The following CNTNAP5 variants were observed in gnomAD, a reference collection of about 807,000 sequenced individuals.
The protein encoded by CNTNAP5 is contactin-associated protein-like 5.
Under a neutral mutation model 150.2 loss-of-function variants are expected in CNTNAP5, and 72 were observed. The observed-to-expected ratio is 0.48, with a 90% CI of 0.40 to 0.58. The LOEUF (loss-of-function observed/expected upper bound fraction) is 0.58, where lower values mean the gene tolerates loss of function less well. Among genes scored for constraint, CNTNAP5 ranks in the 20% least tolerant of loss-of-function variants. The probability of loss-of-function intolerance (pLI) is 0.00; values close to 1 mark genes in which losing one functional copy is unlikely to be tolerated. For synonymous variants in CNTNAP5, 672 were observed against 619.8 expected (o/e 1.08, Z -1.25); for missense variants, 1,636 against 1,626.2 (o/e 1.01, Z -0.10).
chr2:124,655,945 G>GAGAGAGAGAAAGAAAGAAAGAAAGAA (rs1553427800), intron 13 of CNTNAP5, among the ~76,000 whole-genome samples: 1 of 55,490 alleles, frequency 1.8e-5, no homozygotes, highest in Non-Finnish European at 3.4e-5. Flanking sequence ...GAGAGAGAGA[G>GAGAGAGAGAAAGAAAGAAAGAAAGAA]AGAAAGAAAG....
chr2:124,257,550 C>T (rs766461092), intron 3 of CNTNAP5, among the ~76,000 whole-genome samples: 7 of 152,172 alleles, frequency 4.6e-5, no homozygotes, highest in Non-Finnish European at 1.0e-4. Flanking sequence ...TAAATTCTTC[C>T]TCATCTTTCA....
intron 3 of CNTNAP5, among the ~76,000 whole-genome samples, chr2:124,414,957 T>C (rs1022208663): frequency 6.6e-5 from 10 of 152,068 alleles, no homozygotes; most frequent in African/African-American, 2.4e-4. Flanking sequence ...ATGACACACT[T>C]TTACTCTACC....
intron 19 of CNTNAP5, among the ~76,000 whole-genome samples, chr2:124,825,332 T>C (rs1573642237): frequency 6.6e-6 from 1 of 152,220 alleles, no homozygotes; most frequent in East Asian, 1.9e-4. Context: ...CAATGAATAC[T>C]TGCTTGTGCC....
At chr2:124,633,672 A>C (rs893971688) in intron 12 of CNTNAP5, among the ~76,000 whole-genome samples, 5 of 152,124 alleles carry the variant, frequency 3.3e-5, no homozygotes, top group Non-Finnish European at 7.4e-5. Context: ...CCAACTCCAC[A>C]TTTCCCCTCC....
intron 13 of CNTNAP5, among the ~76,000 whole-genome samples, chr2:124,734,424 C>G (rs1220460339): frequency 6.6e-6 from 1 of 151,854 alleles, no homozygotes; most frequent in Non-Finnish European, 1.5e-5. Flanking sequence ...CTAACTGAAC[C>G]TCACTGATAT....
At chr2:124,266,153 A>C (rs1370571369) in intron 3 of CNTNAP5, among the ~76,000 whole-genome samples, 2 of 152,124 alleles carry the variant, frequency 1.3e-5, no homozygotes, top group African/African-American at 4.8e-5. Flanking sequence ...CCTATTCCCA[A>C]ACCTTATACA....
intron 3 of CNTNAP5, among the ~76,000 whole-genome samples, chr2:124,307,802 G>T (rs1324686611): frequency 6.6e-6 from 1 of 152,188 alleles, no homozygotes; most frequent in African/African-American, 2.4e-5. Context: ...TGTAGTTGTT[G>T]ATACTCACTG....
At chr2:124,610,879 C>T (rs1213103691) in intron 12 of CNTNAP5, among the ~76,000 whole-genome samples, 1 of 151,196 alleles carries the variant, frequency 6.6e-6, no homozygotes, top group Non-Finnish European at 1.5e-5. Context: ...CTCGCTTGAA[C>T]CCGGGAGACG....
At chr2:124,300,712 T>C (rs1688551934) in intron 3 of CNTNAP5, among the ~76,000 whole-genome samples, 1 of 152,180 alleles carries the variant, frequency 6.6e-6, no homozygotes, top group Non-Finnish European at 1.5e-5. Context: ...AACTTTTTCA[T>C]TCCCTTGCCT....
At chr2:124,552,031 G>A (rs1695639883) in intron 10 of CNTNAP5, among the ~76,000 whole-genome samples, 1 of 151,814 alleles carries the variant, frequency 6.6e-6, no homozygotes, top group African/African-American at 2.4e-5. Context: ...GTTAACTACT[G>A]TGCTTATTTT....
intron 3 of CNTNAP5, among the ~76,000 whole-genome samples, chr2:124,381,938 A>T (rs1463763103): frequency 6.6e-6 from 1 of 152,118 alleles, no homozygotes; most frequent in African/African-American, 2.4e-5. Flanking sequence ...AGGAGGAAGG[A>T]AATGACAAAA....
chr2:124,406,484 A>G (rs1324072708), intron 3 of CNTNAP5, among the ~76,000 whole-genome samples: 1 of 152,168 alleles, frequency 6.6e-6, no homozygotes, highest in East Asian at 1.9e-4. Flanking sequence ...TTTTTTGAAA[A>G]ACTATGAACT....
intron 3 of CNTNAP5, 54 bp from the exon 4 acceptor site, chr2:124,417,387 TCC>T: frequency 6.4e-7 from 1 of 1,565,530 alleles, no homozygotes; most frequent in East Asian, 2.3e-5. Context: ...AATATGGTTT[TCC>T]ACTGAAATTC....
intron 12 of CNTNAP5, among the ~76,000 whole-genome samples, chr2:124,647,258 G>T (rs1345561769): frequency 6.6e-6 from 1 of 152,208 alleles, no homozygotes; most frequent in Non-Finnish European, 1.5e-5. Flanking sequence ...ATTGCATGCA[G>T]AGTGTGGATC....
At position 124,263,669 on chromosome 2, in the gene CNTNAP5, A is replaced by T. The variant is rs181033379; in HGVS notation, c.381+21276A>T. ...TTAGTTTAATTAGATCCCATTTGTC[A>T]ATTTTGGCTTTTGTTGCCATTGCTT... On this transcript the variant is annotated intron_variant, in intron 3 of 23. Transcript: ENST00000682447. 1.5e-3 allele frequency among the ~76,000 whole-genome samples: 221 copies of T among 152,164 alleles called. 1 individual carries two copies. The highest frequency in any genetic ancestry group is 5.0e-3 in the African/African-American group (206 of 41,522).
chr2:124,796,805 T>C (rs1432576645), intron 18 of CNTNAP5, among the ~76,000 whole-genome samples: 1 of 152,214 alleles, frequency 6.6e-6, no homozygotes, highest in Non-Finnish European at 1.5e-5. Flanking sequence ...TATGGGTTTA[T>C]GTTTACTGTG....
chr2:124,665,709 A>AC (rs1267787164), intron 13 of CNTNAP5, among the ~76,000 whole-genome samples: 7 of 151,804 alleles, frequency 4.6e-5, no homozygotes, highest in Admixed American at 2.0e-4. Context: ...ACACGGTGAA[A>AC]CCCCGTCTCT....
chr2:124,054,641 A>C (rs1372480188), intron 1 of CNTNAP5, among the ~76,000 whole-genome samples: 1 of 152,210 alleles, frequency 6.6e-6, no homozygotes, highest in African/African-American at 2.4e-5. Context: ...TCAAATCCCA[A>C]GTTTACTATA....
chr2:124,804,121 C>G (rs1682031410), intron 19 of CNTNAP5, among the ~76,000 whole-genome samples: 1 of 152,176 alleles, frequency 6.6e-6, no homozygotes, highest in Non-Finnish European at 1.5e-5. Context: ...TTGTTTCATT[C>G]CCTACATTTC....
Sources: gnomAD v4.1 joint callset for allele counts (sites outside exome capture counted in the v4.1 genomes callset) on GRCh38, gnomAD v4.1.1 for gene constraint, MANE v1.5 for transcripts, NCBI Gene and HGNC (gene_info 2026-07-23, HGNC 2026-07-21) for gene names.